The following SPINT2 variants were observed in gnomAD, a reference collection of about 807,000 sequenced individuals.
The protein encoded by SPINT2 is serine peptidase inhibitor, Kunitz type 2.
Under a neutral mutation model 30.1 loss-of-function variants are expected in SPINT2, and 18 were observed. The observed-to-expected ratio is 0.60, with a 90% CI of 0.41 to 0.89. SPINT2 has a LOEUF of 0.89. Among genes scored for constraint, SPINT2 ranks in the 40% least tolerant of loss-of-function variants. The pLI, the probability that SPINT2 is intolerant of heterozygous loss-of-function variation, is 0.00. For synonymous variants in SPINT2, 139 were observed against 137.9 expected, an observed-to-expected ratio of 1.01 and a Z score of -0.05; for missense variants, 276 against 334.3, an observed-to-expected ratio of 0.83 and a Z score of 1.36.
intron 1 of SPINT2, among the ~76,000 whole-genome samples, chr19:38,276,393 A>G (rs1968518129): frequency 6.6e-6 from 1 of 152,136 alleles, no homozygotes; most frequent in African/African-American, 2.4e-5. Flanking sequence ...CTGTAATCCC[A>G]GCACTTCGGG....
At chr19:38,286,967 G>C (rs918675047) in intron 2 of SPINT2, among the ~76,000 whole-genome samples, 1 of 152,140 alleles carries the variant, frequency 6.6e-6, no homozygotes, top group Non-Finnish European at 1.5e-5. Context: ...AGTTAGATGA[G>C]TTGATACAGT....
At chr19:38,282,108 T>C (rs1248028245) in intron 1 of SPINT2, among the ~76,000 whole-genome samples, 6 of 152,250 alleles carry the variant, frequency 3.9e-5, no homozygotes, top group African/African-American at 1.4e-4. Flanking sequence ...TGTATGTGTT[T>C]GTTTGTTTTG....
At chr19:38,289,963 C>A in intron 4 of SPINT2, 156 bp from the exon 5 acceptor site, 2 of 814,140 alleles carry the variant, frequency 2.5e-6, no homozygotes, top group Non-Finnish European at 2.0e-6. Flanking sequence ...CGCGTCAGAG[C>A]CGCTGCACTG....
chr19:38,273,511 T>A (rs1013818331), intron 1 of SPINT2, among the ~76,000 whole-genome samples: 9 of 152,252 alleles, frequency 5.9e-5, no homozygotes, highest in Non-Finnish European at 1.3e-4. Flanking sequence ...AGTACCTCTT[T>A]TTAAGATGCT....
At chr19:38,283,532 C>G (rs1968604542) in intron 1 of SPINT2, 95 bp from the exon 2 acceptor site, 3 of 1,518,230 alleles carry the variant, frequency 2.0e-6, no homozygotes, top group Non-Finnish European at 2.7e-6. Flanking sequence ...ACTCAAGGCT[C>G]TGGTTCTCCT....
At chr19:38,271,350 C>T (rs1219474377) in intron 1 of SPINT2, among the ~76,000 whole-genome samples, 3 of 151,600 alleles carry the variant, frequency 2.0e-5, no homozygotes, top group Non-Finnish European at 2.9e-5. Context: ...AAATTAGCCT[C>T]GCGTGGTGGC....
intron 1 of SPINT2, among the ~76,000 whole-genome samples, chr19:38,281,576 GTGCA>G (rs1968582042): frequency 1.3e-5 from 2 of 151,974 alleles, no homozygotes; most frequent in Non-Finnish European, 2.9e-5. Context: ...AGGTGTGGTG[GTGCA>G]TGCCTGTAAT....
chr19:38,265,835 A>G (rs989075562), intron 1 of SPINT2, among the ~76,000 whole-genome samples: 5 of 152,270 alleles, frequency 3.3e-5, no homozygotes, highest in African/African-American at 9.6e-5. Flanking sequence ...GGCGCTGGTT[A>G]TAACAGTTAA....
chr19:38,290,008 G>C lies in SPINT2; in HGVS notation c.392-111G>C. The C allele has an allele frequency of 2.5e-6, 3 of 1,179,976 alleles. No individual in the cohort carries two copies. Among genetic ancestry groups the C allele is most frequent in the Non-Finnish European group, 3.8e-6 (3 of 796,270 alleles). The allele number at this position is 1,179,976 out of a possible 1,614,324, so 73.1% of individuals were successfully genotyped here. A position where few individuals can be genotyped will look rare whatever the true frequency, so the allele number is the denominator to read the frequency against. ...GTAATTTACAGGCTTCTTTACCAGA[G>C]AGATGTTTCTCCGTCTGCTGGAGCC... On this transcript the variant is annotated intron_variant, in intron 4 of 6. Transcript: ENST00000301244. This position sits in a 1 kb window ranked among gnomAD's most constrained non-coding sequence, Gnocchi z 4.3.
chr19:38,280,166 G>A (rs1478682281), intron 1 of SPINT2, among the ~76,000 whole-genome samples: 1 of 152,136 alleles, frequency 6.6e-6, no homozygotes, highest in Non-Finnish European at 1.5e-5. Flanking sequence ...TCAACAGAAA[G>A]CATCCAAGCT....
intron 1 of SPINT2, 87 bp from the exon 2 acceptor site, chr19:38,283,540 C>T (rs867911830): frequency 4.5e-6 from 7 of 1,554,300 alleles, no homozygotes; most frequent in Middle Eastern, 2.3e-4. Flanking sequence ...CTCTGGTTCT[C>T]CTGGGGGATC....
At position 38,290,027 on chromosome 19, in the gene SPINT2, T is replaced by C; in HGVS notation, c.392-92T>C. 7.2e-7 allele frequency: 1 copy of C among 1,380,534 alleles called. No homozygotes were observed. The highest frequency in any genetic ancestry group is 1.0e-6 in the Non-Finnish European group (1 of 972,542). 85.5% of individuals were successfully genotyped at this position (1,380,534 alleles called of 1,614,324 possible). ...ACCAGAGAGATGTTTCTCCGTCTGC[T>C]GGAGCCGCAAGCCTCCTCAGGCACT... On this transcript the variant is annotated intron_variant, in intron 4 of 6. Transcript: ENST00000301244. This position sits in a 1 kb window ranked among gnomAD's most constrained non-coding sequence, Gnocchi z 4.3.
intron 1 of SPINT2, among the ~76,000 whole-genome samples, chr19:38,280,162 G>A (rs1182072162): frequency 6.6e-6 from 1 of 152,164 alleles, no homozygotes; most frequent in Admixed American, 6.5e-5. Flanking sequence ...CACGTCAACA[G>A]AAAGCATCCA....
chr19:38,268,938 A>G (rs916636179), intron 1 of SPINT2, among the ~76,000 whole-genome samples: 4 of 152,122 alleles, frequency 2.6e-5, no homozygotes, highest in African/African-American at 7.2e-5. Context: ...GCCAGATCAT[A>G]TATTTCCTCA....
Position 38,265,064 on chromosome 19 carries a change from T to A in SPINT2, c.106+66T>A, listed in dbSNP as rs929552336. On this transcript the variant is annotated intron_variant, in intron 1 of 6. Coordinates refer to ENST00000301244, the MANE Select transcript of SPINT2 (RefSeq NM_021102.4). ...GCAGAGGCTCGGGGGTCAACGGGGG[T>A]CTGAGCAGGGAGAACTGGCGGGGGA... The A allele has an allele frequency of 8.4e-5, 80 of 957,922 alleles. 1 individual carries two copies. In the South Asian group the frequency reaches 1.2e-3, roughly 14 times the overall value. The allele number at this position is 957,922 out of a possible 1,614,324, so 59.3% of individuals were successfully genotyped here.
chr19:38,291,993 C>T lies in SPINT2; in HGVS notation c.746C>T (p.Thr249Ile), dbSNP rs1371797758. The T allele has an allele frequency of 6.2e-7, 1 of 1,613,968 alleles. No homozygotes were observed. The highest frequency in any genetic ancestry group is 8.5e-7 in the Non-Finnish European group (1 of 1,180,012). ...GDDKEQLVKN[T>I]YVL is the part of the protein sequence containing the mutation. ...GACAAGGAGCAGCTGGTGAAGAACA[C>T]ATATGTCCTGTGACCGCCCTGTCGC... is the stretch of plus-strand genomic sequence containing the variant. Residue 249 changes from threonine to isoleucine, a missense_variant, in exon 7 of 7, where the codon ACA becomes ATA. By Grantham distance (89) the Thr-to-Ile change is moderately conservative (BLOSUM62 -1). Transcript: ENST00000301244.
chr19:38,285,511 A>AT (rs1037109057), intron 2 of SPINT2, among the ~76,000 whole-genome samples: 66 of 152,146 alleles, frequency 4.3e-4, no homozygotes, highest in African/African-American at 1.5e-3. Context: ...CACCTGGCTA[A>AT]TTTTTGTGTA....
chr19:38,282,023 C>CTG (rs776546403), intron 1 of SPINT2, among the ~76,000 whole-genome samples: 160 of 152,306 alleles, frequency 1.1e-3, no homozygotes, highest in Admixed American at 3.8e-3. Context: ...AGGGAATTTC[C>CTG]TGCTTCAGAA....
At position 38,289,208 on chromosome 19, in the gene SPINT2, G is replaced by C; in HGVS notation, c.391+17G>C. 1 of 1,613,100 alleles carries C rather than the reference G, an allele frequency of 6.2e-7. No individual in the cohort carries two copies. The stretch of plus-strand genomic sequence containing the variant: ...ACTATGAAGGTAAAACTCCAAAGAG[G>C]CCAGGTGCGGTGGCTCACACCTGTA... On this transcript the variant is annotated intron_variant, in intron 4 of 6. Coordinates refer to ENST00000301244, the MANE Select transcript of SPINT2 (RefSeq NM_021102.4).
Sources: gnomAD v4.1 joint callset for allele counts (sites outside exome capture counted in the v4.1 genomes callset) on GRCh38, gnomAD v4.1.1 for gene constraint, Gnocchi (gnomAD v3.1) non-coding constraint, MANE v1.5 for transcripts, NCBI Gene and HGNC (gene_info 2026-07-23, HGNC 2026-07-21) for gene names.